KHDRBS3: variants seen among roughly 807,000 people sequenced by gnomAD.
KHDRBS3 encodes KH domain-containing, RNA-binding, signal transduction-associated protein 3.
A neutral mutation model predicts 45.6 loss-of-function variants in KHDRBS3; 23 were observed. The ratio of observed to expected loss-of-function variants is 0.50; its 90% CI spans 0.36 to 0.72. The LOEUF is 0.72. Among genes scored for constraint, KHDRBS3 ranks in the 30% least tolerant of loss-of-function variants. The pLI is 0.00. For synonymous variants in KHDRBS3, 162 were observed against 156.5 expected (o/e 1.04, Z -0.26); for missense variants, 352 against 424.8 (o/e 0.83, Z 1.51).
At chr8:135,564,625 G>C (rs1190594691) in intron 5 of KHDRBS3, among the ~76,000 whole-genome samples, 1 of 152,080 alleles carries the variant, frequency 6.6e-6, no homozygotes, top group African/African-American at 2.4e-5. Flanking sequence ...CTGAGTCTCT[G>C]CTCATTTTTC....
Position 135,537,194 on chromosome 8 carries a change from C to G in KHDRBS3, c.208-5460C>G, listed in dbSNP as rs188114426. Among the ~76,000 whole-genome samples, 151 of 152,182 alleles carry G rather than the reference C, an allele frequency of 9.9e-4. 2 individuals carry two copies. The highest frequency in any genetic ancestry group is 3.2e-3 in the African/African-American group (133 of 41,520). On this transcript the variant is annotated intron_variant, in intron 2 of 8. Transcript: ENST00000355849. The stretch of plus-strand genomic sequence containing the variant: ...GCACCATTTGCTGGGCTAAGGGACT[C>G]TGGAAGAAGAGCATGTTTGAAGCTA...
chr8:135,479,514 C>T (rs1172345968), intron 1 of KHDRBS3, among the ~76,000 whole-genome samples: 1 of 152,176 alleles, frequency 6.6e-6, no homozygotes, highest in East Asian at 1.9e-4. Flanking sequence ...GCTCAGAGTT[C>T]TGGAGGGTGG....
intron 1 of KHDRBS3, among the ~76,000 whole-genome samples, chr8:135,491,820 A>G (rs1208525498): frequency 1.3e-5 from 2 of 152,182 alleles, no homozygotes; most frequent in African/African-American, 2.4e-5. Context: ...TTCAGAAGCA[A>G]TGGTAGGTAA....
At chr8:135,551,906 A>C (rs1826622251) in intron 4 of KHDRBS3, among the ~76,000 whole-genome samples, 2 of 152,148 alleles carry the variant, frequency 1.3e-5, no homozygotes, top group South Asian at 4.1e-4. Flanking sequence ...CTACATCCTA[A>C]AAAACAGGTT....
chr8:135,622,986 C>G (rs1454386605), intron 7 of KHDRBS3, among the ~76,000 whole-genome samples: 1 of 152,224 alleles, frequency 6.6e-6, no homozygotes, highest in Non-Finnish European at 1.5e-5. Flanking sequence ...GACCCCTTTT[C>G]TACTCTCCAG....
rs992859061 is a variant in KHDRBS3, at chr8:135,597,527, C to T, written c.808-9428C>T. On this transcript the variant is annotated intron_variant, in intron 6 of 8. Transcript: ENST00000355849. ...TTCAAAGTCTTGTCTGTAAGGATTT[C>T]CCTGGCCATAGTGTCTAAAATCTCA... Among the ~76,000 whole-genome samples, 5 of 152,222 alleles carry T rather than the reference C, an allele frequency of 3.3e-5. No homozygotes were observed. The South Asian group carries it at 8.3e-4, about 25-fold the overall frequency.
At chr8:135,581,525 A>C (rs866238423) in intron 5 of KHDRBS3, among the ~76,000 whole-genome samples, 1 of 152,190 alleles carries the variant, frequency 6.6e-6, no homozygotes, top group Admixed American at 6.5e-5. Flanking sequence ...GATAAGCAAG[A>C]AAAGGCACAC....
At chr8:135,541,698 C>T (rs1826056825) in intron 2 of KHDRBS3, 2 of 152,154 alleles carry the variant, frequency 1.3e-5, no homozygotes, top group Admixed American at 1.3e-4. Flanking sequence ...CGAACAGCTT[C>T]CTCCCTGCTG....
chr8:135,634,268 C>T (rs529608235), intron 7 of KHDRBS3, among the ~76,000 whole-genome samples: 22 of 152,172 alleles, frequency 1.4e-4, no homozygotes, highest in African/African-American at 4.6e-4. Context: ...TAAGTTTGCC[C>T]TTGTTTTCCC....
At chr8:135,555,475 A>C (rs916242386) in intron 4 of KHDRBS3, among the ~76,000 whole-genome samples, 1 of 152,096 alleles carries the variant, frequency 6.6e-6, no homozygotes, top group Non-Finnish European at 1.5e-5. Flanking sequence ...AAGCCAAAAA[A>C]ATTGACCCCC....
intron 5 of KHDRBS3, among the ~76,000 whole-genome samples, chr8:135,562,893 A>G (rs868580769): frequency 2.0e-5 from 3 of 152,212 alleles, no homozygotes; most frequent in Non-Finnish European, 4.4e-5. Flanking sequence ...AAAATCTCCA[A>G]TGAATAGCCA....
At chr8:135,640,207 G>A (rs1278270448) in intron 7 of KHDRBS3, among the ~76,000 whole-genome samples, 3 of 152,110 alleles carry the variant, frequency 2.0e-5, no homozygotes, top group Non-Finnish European at 2.9e-5. Flanking sequence ...AAAGAGCAAC[G>A]TAGTGATTTA....
intron 5 of KHDRBS3, among the ~76,000 whole-genome samples, chr8:135,566,164 G>T (rs2130866688): frequency 1.3e-5 from 2 of 152,250 alleles, no homozygotes; most frequent in African/African-American, 4.8e-5. Context: ...CAAGTGTTAG[G>T]CAGTTAGTTG....
At chr8:135,573,809 A>G (rs1333410884) in intron 5 of KHDRBS3, among the ~76,000 whole-genome samples, 1 of 151,876 alleles carries the variant, frequency 6.6e-6, no homozygotes, top group Non-Finnish European at 1.5e-5. Flanking sequence ...GATTTTTTTC[A>G]TATCTGAGTT....
intron 5 of KHDRBS3, among the ~76,000 whole-genome samples, chr8:135,571,168 C>T (rs1480641973): frequency 6.6e-6 from 1 of 152,168 alleles, no homozygotes; most frequent in African/African-American, 2.4e-5. Context: ...AAATGTTCTG[C>T]GCCTGCTGTA....
intron 1 of KHDRBS3, among the ~76,000 whole-genome samples, chr8:135,502,817 C>T (rs905642009): frequency 1.3e-5 from 2 of 152,180 alleles, no homozygotes; most frequent in African/African-American, 2.4e-5. Context: ...AGTGGCATCT[C>T]TTTCTGCTGA....
chr8:135,528,019 C>T (rs974945730), intron 2 of KHDRBS3, among the ~76,000 whole-genome samples: 1 of 152,100 alleles, frequency 6.6e-6, no homozygotes, highest in African/African-American at 2.4e-5. Flanking sequence ...GATTGTGATT[C>T]TCAAGGTTTA....
intron 6 of KHDRBS3, among the ~76,000 whole-genome samples, chr8:135,602,216 T>C (rs1829247513): frequency 6.6e-6 from 1 of 152,180 alleles, no homozygotes; most frequent in African/African-American, 2.4e-5. Flanking sequence ...AGACACTGAT[T>C]TGCAGTCACA....
At chr8:135,518,592 C>T (rs1824746110) in intron 1 of KHDRBS3, among the ~76,000 whole-genome samples, 1 of 152,164 alleles carries the variant, frequency 6.6e-6, no homozygotes, top group East Asian at 1.9e-4. Flanking sequence ...AATCGTCTAA[C>T]TATGCCAAAG....
Sources: allele counts gnomAD v4.1 joint callset (sites outside exome capture counted in the v4.1 genomes callset), GRCh38; gene constraint gnomAD v4.1.1; transcripts MANE v1.5; gene names NCBI Gene and HGNC (gene_info 2026-07-23, HGNC 2026-07-21).